Variants in SAP130 observed in about 807,000 individuals in gnomAD.
SAP130 encodes the protein Sin3A associated protein 130.
A neutral mutation model predicts 103.2 loss-of-function variants in SAP130; 16 were observed. That is an observed-to-expected ratio of 0.16 (90% CI 0.10 to 0.24). The LOEUF is 0.24. Among genes scored for constraint, SAP130 ranks in the 10% least tolerant of loss-of-function variants. The pLI is 1.00. For missense variants in SAP130, 990 were observed against 1,359.7 expected (o/e 0.73, Z 4.28); for synonymous variants, 477 against 497.0 (o/e 0.96, Z 0.53).
intron 7 of SAP130, among the ~76,000 whole-genome samples, chr2:128,003,653 G>A (rs939701213): frequency 1.3e-4 from 19 of 151,926 alleles, no homozygotes; most frequent in Non-Finnish European, 1.5e-4. Context: ...GGTCCATAGT[G>A]ACTCACCCAC....
At chr2:127,988,719 T>C (rs139455647) in intron 13 of SAP130, among the ~76,000 whole-genome samples, 1 of 151,920 alleles carries the variant, frequency 6.6e-6, no homozygotes, top group South Asian at 2.1e-4. Flanking sequence ...GCATGGTAGC[T>C]TGCACCTATA....
In SAP130 at chr2:127,996,468, T is replaced by C; in HGVS notation, c.1237A>G (p.Thr413Ala). The part of the protein sequence containing the change: ...PVAKVVPQQI[T>A]HTSPRIQPDY... ...GGCTGGATCCGAGGAGAAGTGTGCG[T>C]GATCTGCTGGGGCACCACCTTGGCT... Residue 413 changes from threonine (T) to alanine (A), a missense_variant, in exon 11 of 21, where the codon ACG becomes GCG. Thr to Ala is a moderately conservative substitution (Grantham distance 58). Around this residue, in one of 6 missense-constraint regions of SAP130, gnomAD observed 336 missense variants for 520.1 expected, o/e 0.65. Transcript: ENST00000643581. The surrounding 1 kb of genome is among the most constrained non-coding windows in gnomAD (Gnocchi z 4.3). 7 of 1,588,234 alleles carry C rather than the reference T, an allele frequency of 4.4e-6. No individual in the cohort carries two copies. Among genetic ancestry groups the C allele is most frequent in the Non-Finnish European group, 6.0e-6 (7 of 1,166,556 alleles).
At chr2:127,997,118 T>C (rs1413362785) in intron 10 of SAP130, among the ~76,000 whole-genome samples, 1 of 152,222 alleles carries the variant, frequency 6.6e-6, no homozygotes, top group Non-Finnish European at 1.5e-5. Context: ...GTCCTTTGAA[T>C]GTCCTACGAT....
chr2:128,026,944 G>C lies in SAP130; in HGVS notation c.-6-646C>G, dbSNP rs546174701. On this transcript the variant is annotated intron_variant, in intron 1 of 20. Transcript: ENST00000643581. ...AGCCAAGCGATCTCCCGATTCGCCCGCAACCCCACCCCACCGCGAAGCCCC... is the reference window on the plus strand; with the variant it reads ...AGCCAAGCGATCTCCCGATTCGCCCCCAACCCCACCCCACCGCGAAGCCCC... 3.1e-4 allele frequency: 214 copies of C among 690,612 alleles called. 1 individual carries two copies. The African/African-American group carries it at 3.5e-3, about 11-fold the overall frequency. 42.8% of individuals were successfully genotyped at this position (690,612 alleles called of 1,614,324 possible). A position where few individuals can be genotyped will look rare whatever the true frequency, so the allele number is the denominator to read the frequency against.
chr2:128,009,234 G>C (rs569462071), intron 7 of SAP130, among the ~76,000 whole-genome samples: 1 of 152,194 alleles, frequency 6.6e-6, no homozygotes, highest in East Asian at 1.9e-4. Context: ...CCAGCACTTA[G>C]GGCGATGCGA....
chr2:128,003,956 G>GTTTTTTT (rs1559088445), intron 7 of SAP130, among the ~76,000 whole-genome samples: 1 of 53,080 alleles, frequency 1.9e-5, no homozygotes, highest in African/African-American at 6.9e-5. Flanking sequence ...CCACAGATCA[G>GTTTTTTT]CTTTTTTTTT....
chr2:127,945,866 T>C (rs1679041067), intron 18 of SAP130, among the ~76,000 whole-genome samples: 1 of 152,212 alleles, frequency 6.6e-6, no homozygotes, highest in Non-Finnish European at 1.5e-5. Flanking sequence ...TTGCCCAGGT[T>C]GGTCTTGAAC....
chr2:127,979,287 G>A (rs1420247893), intron 14 of SAP130, among the ~76,000 whole-genome samples: 1 of 152,140 alleles, frequency 6.6e-6, no homozygotes, highest in Non-Finnish European at 1.5e-5. Context: ...GAACCTCCGG[G>A]GGAACTGACC....
chr2:127,949,404 A>AC (rs1269165424), intron 18 of SAP130, among the ~76,000 whole-genome samples: 5 of 152,216 alleles, frequency 3.3e-5, no homozygotes, highest in African/African-American at 9.7e-5. Context: ...TTGAGGGCTT[A>AC]CCTTAGACCA....
chr2:128,000,233 GC>G (rs1439473487), intron 8 of SAP130, 73 bp downstream of exon 8: 196 of 1,605,530 alleles, frequency 1.2e-4, no homozygotes, highest in Non-Finnish European at 1.6e-4. Context: ...GTATCACCAG[GC>G]CCTCAGCACA....
At chr2:128,006,084 G>T (rs911191379) in intron 7 of SAP130, among the ~76,000 whole-genome samples, 12 of 150,074 alleles carry the variant, frequency 8.0e-5, no homozygotes, top group African/African-American at 2.9e-4. Flanking sequence ...CTTTGTAAGC[G>T]GTTAAAAAAA....
intron 16 of SAP130, among the ~76,000 whole-genome samples, chr2:127,952,207 C>G (rs984350324): frequency 6.6e-6 from 1 of 152,104 alleles, no homozygotes; most frequent in South Asian, 2.1e-4. Context: ...AACCCTAGCA[C>G]TTTGGGAGGC....
intron 18 of SAP130, among the ~76,000 whole-genome samples, chr2:127,946,465 A>G (rs1679081859): frequency 6.6e-6 from 1 of 152,106 alleles, no homozygotes; most frequent in Admixed American, 6.6e-5. Flanking sequence ...TAATTTTGTC[A>G]AATTTTCTAT....
chr2:128,019,322 GA>G (rs1399403906), intron 2 of SAP130, among the ~76,000 whole-genome samples: 2 of 151,778 alleles, frequency 1.3e-5, no homozygotes, highest in African/African-American at 4.8e-5. Context: ...AGGCTGTAAC[GA>G]AGTCACAGGA....
rs749915412 is a variant in SAP130 at position 128,014,788 on chromosome 2, C to T, written c.619+15G>A. ...CTACATTTTGAGAGTTTGAACAAAA[C>T]TTGCAAGTCGTTACCTCGAGGTAAA... On this transcript the variant is annotated intron_variant, in intron 5 of 20. Transcript: ENST00000643581. 2 of 1,579,386 alleles carry T rather than the reference C, an allele frequency of 1.3e-6. No individual in the cohort carries two copies. Among genetic ancestry groups the T allele is most frequent in the South Asian group, 1.1e-5 (1 of 90,352 alleles).
rs964447156 is a variant in SAP130, at chr2:127,941,977, T to C, written c.*29A>G. 5.2e-6 allele frequency: 5 copies of C among 956,616 alleles called. No homozygotes were observed. The highest frequency in any genetic ancestry group is 5.5e-6 in the Non-Finnish European group (4 of 727,056). The allele number at this position is 956,616 out of a possible 1,614,324, so 59.3% of individuals were successfully genotyped here. On this transcript the variant is annotated 3_prime_UTR_variant, in exon 21 of 21. Transcript: ENST00000643581. ...ACCCCCACCATCATTCTTCATAAATTTGCTTCCAATCTCCTGATTGTTCTG... is the reference window on the plus strand; with the variant it reads ...ACCCCCACCATCATTCTTCATAAATCTGCTTCCAATCTCCTGATTGTTCTG...
At position 127,996,280 on chromosome 2, in the gene SAP130, T is replaced by C. The variant is rs1550174; in HGVS notation, c.1355+70A>G. 0.98 allele frequency: 1,307,334 copies of C among 1,338,094 alleles called. 639,611 individuals carry two copies. Among genetic ancestry groups the C allele is most frequent in the East Asian group, 1 (36,532 of 36,532 alleles). The allele number at this position is 1,338,094 out of a possible 1,614,324, so 82.9% of individuals were successfully genotyped here. On this transcript the variant is annotated intron_variant, in intron 11 of 20. Coordinates refer to ENST00000643581, the MANE Select transcript of SAP130 (RefSeq NM_001330301.2). This position sits in a 1 kb window ranked among gnomAD's most constrained non-coding sequence, Gnocchi z 4.3. Reference sequence around the variant, plus strand: ...TATAGGCCATATTTGTGGGACACTTTGTTTTATGCTGATAAAGCAGAACGA... The same window carrying C: ...TATAGGCCATATTTGTGGGACACTTCGTTTTATGCTGATAAAGCAGAACGA...
chr2:127,969,122 G>A (rs1186730464), intron 15 of SAP130, among the ~76,000 whole-genome samples: 1 of 152,218 alleles, frequency 6.6e-6, no homozygotes, highest in East Asian at 1.9e-4. Flanking sequence ...CCAATTTCAA[G>A]CTGCCAATGC....
chr2:127,997,162 A>G (rs1345560872), intron 10 of SAP130, among the ~76,000 whole-genome samples: 1 of 152,222 alleles, frequency 6.6e-6, no homozygotes, highest in Admixed American at 6.5e-5. Context: ...ATTAAAATCA[A>G]TGACCATAGA....
Sources: gnomAD v4.1 joint callset for allele counts (sites outside exome capture counted in the v4.1 genomes callset) on GRCh38, gnomAD v4.1.1 for gene constraint, gnomAD v4.1.1 regional missense constraint, Gnocchi (gnomAD v3.1) non-coding constraint, MANE v1.5 for transcripts, NCBI Gene and HGNC (gene_info 2026-07-23, HGNC 2026-07-21) for gene names.